Variants in COL21A1 observed in about 807,000 individuals in gnomAD.
COL21A1 encodes collagen type XXI alpha 1 chain.
COL21A1 carries 149 observed loss-of-function variants against 137.9 expected under a neutral mutation model. The observed-to-expected ratio is 1.08, with a 90% CI of 0.95 to 1.24. COL21A1 has a LOEUF of 1.24. Among genes scored for constraint, COL21A1 ranks in the 50% most tolerant of loss-of-function variants. The pLI, the probability that COL21A1 is intolerant of heterozygous loss-of-function variation, is 0.00. For missense variants in COL21A1, 1,167 were observed against 1,158.4 expected (o/e 1.01, Z -0.11); for synonymous variants, 456 against 391.5 (o/e 1.16, Z -1.95).
At chr6:56,098,719 A>G (rs1314706902) in intron 17 of COL21A1, among the ~76,000 whole-genome samples, 6 of 110,202 alleles carry the variant, frequency 5.4e-5, no homozygotes, top group African/African-American at 2.1e-4. Context: ...ATATATATAA[A>G]TATATATATA....
intron 1 of COL21A1, among the ~76,000 whole-genome samples, chr6:56,310,735 CA>C (rs1562050387): frequency 6.6e-6 from 1 of 151,950 alleles, no homozygotes; most frequent in African/African-American, 2.4e-5. Context: ...CTTTACCATC[CA>C]ATGCTAAGGA....
chr6:56,103,438 AATT>A (rs1384544746), intron 16 of COL21A1, among the ~76,000 whole-genome samples: 5 of 152,194 alleles, frequency 3.3e-5, no homozygotes, highest in African/African-American at 1.2e-4. Flanking sequence ...ATTAATTTGA[AATT>A]ATTAGGTTGG....
intron 1 of COL21A1, among the ~76,000 whole-genome samples, chr6:56,300,445 T>C (rs1428586675): frequency 6.6e-6 from 1 of 152,160 alleles, no homozygotes; most frequent in Non-Finnish European, 1.5e-5. Context: ...AAAATTTAAA[T>C]TAGACATTTT....
chr6:56,156,657 A>G (rs1034609689), intron 10 of COL21A1, among the ~76,000 whole-genome samples: 1 of 11,666 alleles, frequency 8.6e-5, no homozygotes, highest in African/African-American at 7.5e-4. Context: ...GCTTAAGCCT[A>G]TACTGATCAA....
chr6:56,222,667 G>T (rs1161272758), intron 1 of COL21A1, among the ~76,000 whole-genome samples: 5 of 151,934 alleles, frequency 3.3e-5, no homozygotes, highest in African/African-American at 7.3e-5. Flanking sequence ...TACATTTAAG[G>T]TTCAGAAAAA....
chr6:56,254,211 G>T (rs1782919550), intron 1 of COL21A1, among the ~76,000 whole-genome samples: 1 of 152,112 alleles, frequency 6.6e-6, no homozygotes, highest in Non-Finnish European at 1.5e-5. Context: ...TTTCTAACTA[G>T]CTAAGAGATG....
chr6:56,270,270 TTATG>T (rs1366471587), intron 1 of COL21A1, among the ~76,000 whole-genome samples: 18 of 152,342 alleles, frequency 1.2e-4, no homozygotes, highest in Admixed American at 7.2e-4. Context: ...ATTGCTATTC[TTATG>T]TCAGCTAAAA....
intron 17 of COL21A1, among the ~76,000 whole-genome samples, chr6:56,088,653 T>C (rs1253112366): frequency 6.6e-6 from 1 of 152,204 alleles, no homozygotes; most frequent in Non-Finnish European, 1.5e-5. Context: ...CCTTTTCTTA[T>C]AATGTCACAA....
intron 1 of COL21A1, among the ~76,000 whole-genome samples, chr6:56,197,240 T>C (rs1779079581): frequency 6.6e-6 from 1 of 151,984 alleles, no homozygotes; most frequent in African/African-American, 2.4e-5. Flanking sequence ...ACAAAAGACC[T>C]GAAATCACAA....
intron 1 of COL21A1, among the ~76,000 whole-genome samples, chr6:56,298,266 A>G (rs1764204164): frequency 6.6e-6 from 1 of 152,096 alleles, no homozygotes; most frequent in Non-Finnish European, 1.5e-5. Context: ...TTTGCAGAAC[A>G]AAAAACAATT....
At chr6:56,300,406 A>C (rs2152337198) in intron 1 of COL21A1, among the ~76,000 whole-genome samples, 1 of 152,252 alleles carries the variant, frequency 6.6e-6, no homozygotes, top group East Asian at 1.9e-4. Context: ...TTGAAAAATA[A>C]CCTTTTATTA....
At chr6:56,130,748 TA>T (rs1773495342) in intron 12 of COL21A1, among the ~76,000 whole-genome samples, 1 of 152,000 alleles carries the variant, frequency 6.6e-6, no homozygotes, top group Non-Finnish European at 1.5e-5. Context: ...CATGTTAACA[TA>T]AATCAGTGTG....
In COL21A1 at chr6:56,057,692, T is replaced by G. The variant is rs1199361263; in HGVS notation, c.2839A>C (p.Arg947=). Residue 947 remains arginine, a synonymous_variant, in exon 30 of 30, where the codon AGA becomes CGA. Coordinates refer to ENST00000244728, the MANE Select transcript of COL21A1 (RefSeq NM_030820.4). The part of the protein sequence containing the change: ...DPSLCFSVIA[R]RDPFRKGPNY ...GGTCCTTTTCTGAACGGATCTCTTC[T>G]GGCAATTACACTAAAACATAGTGAT... The G allele has an allele frequency of 3.7e-6, 6 of 1,613,200 alleles. No individual in the cohort carries two copies. The highest frequency in any genetic ancestry group is 4.2e-6 in the Non-Finnish European group (5 of 1,179,610).
chr6:56,201,493 A>G (rs372082161), intron 1 of COL21A1, among the ~76,000 whole-genome samples: 46 of 152,186 alleles, frequency 3.0e-4, no homozygotes, highest in Admixed American at 1.6e-3. Flanking sequence ...AAGGTGTAAG[A>G]AAGGGATCCA....
chr6:56,149,471 T>C (rs1038520458), intron 10 of COL21A1, among the ~76,000 whole-genome samples: 4 of 152,156 alleles, frequency 2.6e-5, no homozygotes, highest in African/African-American at 7.2e-5. Flanking sequence ...CTCACTCCTA[T>C]AGAAAATAGG....
chr6:56,111,163 A>C (rs1771399098), intron 16 of COL21A1, among the ~76,000 whole-genome samples: 1 of 151,944 alleles, frequency 6.6e-6, no homozygotes, highest in African/African-American at 2.4e-5. Context: ...AAAAAAAAAA[A>C]AACTATAATC....
intron 1 of COL21A1, among the ~76,000 whole-genome samples, chr6:56,298,780 A>G (rs1219267965): frequency 2.0e-5 from 3 of 152,144 alleles, no homozygotes; most frequent in Non-Finnish European, 4.4e-5. Context: ...AACAGAGACC[A>G]GACGCAGAGT....
intron 17 of COL21A1, among the ~76,000 whole-genome samples, chr6:56,086,519 A>G (rs1039764333): frequency 6.6e-6 from 1 of 152,174 alleles, no homozygotes. Context: ...AAGAGAAAAT[A>G]TATCTACTAT....
At chr6:56,063,779 C>G (rs534246722) in intron 24 of COL21A1, among the ~76,000 whole-genome samples, 13 of 152,160 alleles carry the variant, frequency 8.5e-5, no homozygotes, top group African/African-American at 3.1e-4. Context: ...TTATCCCACT[C>G]TCTCCAGAGT....
Sources: gnomAD v4.1 joint callset for allele counts (sites outside exome capture counted in the v4.1 genomes callset) on GRCh38, gnomAD v4.1.1 for gene constraint, MANE v1.5 for transcripts, NCBI Gene and HGNC (gene_info 2026-07-23, HGNC 2026-07-21) for gene names.